FKBP8: variants seen among roughly 807,000 people sequenced by gnomAD.
FKBP8 encodes the protein FKBP prolyl isomerase 8, also known as peptidyl-prolyl cis-trans isomerase FKBP8.
FKBP8 carries 5 observed loss-of-function variants against 41.7 expected under a neutral mutation model. That is an observed-to-expected ratio of 0.12 (90% CI 0.06 to 0.25). The LOEUF is 0.25. Among genes scored for constraint, FKBP8 ranks in the 10% least tolerant of loss-of-function variants. The pLI is 1.00. For synonymous variants in FKBP8, 279 were observed against 254.5 expected (o/e 1.10, Z -0.92); for missense variants, 397 against 563.0 (o/e 0.71, Z 2.98).
rs1568410657 is a variant in FKBP8, at chr19:18,538,070, C to T, written c.772+146G>A. 4 of 895,698 alleles carry T rather than the reference C, an allele frequency of 4.5e-6. No homozygotes were observed. Among genetic ancestry groups the T allele is most frequent in the Non-Finnish European group, 6.9e-6 (4 of 580,428 alleles). The allele number at this position is 895,698 out of a possible 1,614,324, so 55.5% of individuals were successfully genotyped here. On this transcript the variant is annotated intron_variant, in intron 5 of 8. Coordinates refer to ENST00000608443, the MANE Select transcript of FKBP8 (RefSeq NM_012181.5). The surrounding 1 kb of genome is among the most constrained non-coding windows in gnomAD (Gnocchi z 4.0). The stretch of plus-strand genomic sequence containing the variant: ...GATATACCACGAGTCTGTAACAGGC[C>T]CTAGCTTAGGGGCAGTTGGGGATCT...
chr19:18,533,468 G>C (rs945030589), intron 6 of FKBP8, 121 bp from the exon 7 acceptor site: 13 of 559,886 alleles, frequency 2.3e-5, no homozygotes, highest in Non-Finnish European at 3.6e-5. Context: ...TTGAGCAACA[G>C]AGCAAGACTC....
Position 18,532,703 on chromosome 19 carries a change from G to A in FKBP8, c.1116C>T (p.Pro372=). 1 of 1,614,080 alleles carries A rather than the reference G, an allele frequency of 6.2e-7. No individual in the cohort carries two copies. The highest frequency in any genetic ancestry group is 1.1e-5 in the South Asian group (1 of 91,082). ...CAGGGCACTTAGCAGGCAGCCGGCT[G>A]GGGTTGCCCAGCATTTTCCGGTACA... is the stretch of plus-strand genomic sequence containing the variant. ...TALYRKMLGN[P]SRLPAKCPGK... is the part of the protein sequence containing the mutation. The change falls in exon 8 of 9, where the codon CCC becomes CCT. Residue 372 remains proline (P), a synonymous_variant. Coordinates refer to ENST00000608443, the MANE Select transcript of FKBP8 (RefSeq NM_012181.5).
In FKBP8 at chr19:18,538,164, G is replaced by A. The variant is rs187883129; in HGVS notation, c.772+52C>T. The stretch of plus-strand genomic sequence containing the variant: ...CTCTGGGGCTGGAAGTTTCTGGCAC[G>A]GAGTGGACACCTTTGCAGGGGAGAT... On this transcript the variant is annotated intron_variant, in intron 5 of 8. Transcript: ENST00000608443. The surrounding 1 kb of genome is among the most constrained non-coding windows in gnomAD (Gnocchi z 4.0). 6.6e-5 allele frequency: 101 copies of A among 1,530,622 alleles called. No homozygotes were observed. Among genetic ancestry groups the A allele is most frequent in the Admixed American group, 3.9e-4 (21 of 53,734 alleles). The allele number at this position is 1,530,622 out of a possible 1,614,324, so 94.8% of individuals were successfully genotyped here.
chr19:18,532,925 C>T (rs1976482595), intron 7 of FKBP8, 130 bp from the exon 8 acceptor site: 1 of 1,432,386 alleles, frequency 7.0e-7, no homozygotes, highest in Non-Finnish European at 9.3e-7. Context: ...CTGCCCCTTT[C>T]TGGGCTTAGC....
rs749237572 is a variant in FKBP8, at chr19:18,537,707, G to A, written c.839C>T (p.Ala280Val). 1.2e-6 allele frequency: 2 copies of A among 1,613,886 alleles called. No homozygotes were observed. The highest frequency in any genetic ancestry group is 1.7e-6 in the Non-Finnish European group (2 of 1,179,926). ...GTGGTCGAGCTTCAGCTGCGAGGCC[G>A]CCAGGTTGTTCAGACACTTCACCTT... ...QLKVKCLNNL[A>V]ASQLKLDHYR... Residue 280 changes from alanine (A) to valine (V), a missense_variant, in exon 6 of 9, where the codon GCG (alanine) becomes GTG (valine). Ala to Val is a moderately conservative substitution (Grantham distance 64, BLOSUM62 0). Around this residue, in one of 2 missense-constraint regions of FKBP8, gnomAD observed 225 missense variants for 366.8 expected, o/e 0.61. Coordinates refer to ENST00000608443, the MANE Select transcript of FKBP8 (RefSeq NM_012181.5). This position sits in a 1 kb window ranked among gnomAD's most constrained non-coding sequence, Gnocchi z 4.4.
chr19:18,533,338 G>T lies in FKBP8; in HGVS notation c.955C>A (p.Gln319Lys). 1 of 1,604,284 alleles carries T rather than the reference G, an allele frequency of 6.2e-7. No individual in the cohort carries two copies. Among genetic ancestry groups the T allele is most frequent in the South Asian group, 1.1e-5 (1 of 88,834 alleles). Residue 319 changes from glutamine (Q) to lysine (K), a missense_variant, in exon 7 of 9, where the codon CAG becomes AAG. Transcript: ENST00000608443. The stretch of plus-strand genomic sequence containing the variant: ...ATGGCCTCACTGTACTCCCCCTGCT[G>T]GGCCAGCACCTGTAAGGGGAAGGGG... ...ALFRKGKVLA[Q>K]QGEYSEAIPI... is the part of the protein sequence containing the mutation.
chr19:18,534,420 G>A (rs998738700), intron 6 of FKBP8, among the ~76,000 whole-genome samples: 1 of 152,174 alleles, frequency 6.6e-6, no homozygotes, highest in African/African-American at 2.4e-5. Flanking sequence ...TGCTCTCCTA[G>A]CCCTCAAACT....
Position 18,537,848 on chromosome 19 carries a change from G to A in FKBP8, c.773-75C>T, listed in dbSNP as rs2145189654. The A allele has an allele frequency of 6.8e-7, 1 of 1,478,010 alleles. No homozygotes were observed. The highest frequency in any genetic ancestry group is 9.1e-7 in the Non-Finnish European group (1 of 1,093,212). The allele number at this position is 1,478,010 out of a possible 1,614,324, so 91.6% of individuals were successfully genotyped here. ...ACCCCGGCACCCACCCCTCTGCGGA[G>A]GCTGCCTCTCTGGCCTCAGTTTCCC... On this transcript the variant is annotated intron_variant, in intron 5 of 8. Transcript: ENST00000608443. This position sits in a 1 kb window ranked among gnomAD's most constrained non-coding sequence, Gnocchi z 4.4.
In FKBP8 at chr19:18,541,981, G is replaced by T. The variant is rs763320647; in HGVS notation, c.-11C>A. Reference sequence around the variant, plus strand: ...AGCACACGATGCCATGCTGCTGGGGGGACAGGAATTGGCCCTGGAAGTGGG... The same window carrying T: ...AGCACACGATGCCATGCTGCTGGGGTGACAGGAATTGGCCCTGGAAGTGGG... On this transcript the variant is annotated 5_prime_UTR_variant, in exon 2 of 9. Coordinates refer to ENST00000608443, the MANE Select transcript of FKBP8 (RefSeq NM_012181.5). 2 of 1,610,708 alleles carry T rather than the reference G, an allele frequency of 1.2e-6. No homozygotes were observed. The highest frequency in any genetic ancestry group is 1.1e-5 in the South Asian group (1 of 90,996).
rs1038223245 is a variant in FKBP8 at position 18,537,842 on chromosome 19, T to C, written c.773-69A>G. The C allele has an allele frequency of 5.4e-6, 8 of 1,487,224 alleles. No homozygotes were observed. The highest frequency in any genetic ancestry group is 7.3e-6 in the Non-Finnish European group (8 of 1,099,940). The allele number at this position is 1,487,224 out of a possible 1,614,324, so 92.1% of individuals were successfully genotyped here. A position where few individuals can be genotyped will look rare whatever the true frequency, so the allele number is the denominator to read the frequency against. ...CCAGACACCCCGGCACCCACCCCTC[T>C]GCGGAGGCTGCCTCTCTGGCCTCAG... On this transcript the variant is annotated intron_variant, in intron 5 of 8. Transcript: ENST00000608443. This position sits in a 1 kb window ranked among gnomAD's most constrained non-coding sequence, Gnocchi z 4.4.
chr19:18,533,863 C>T (rs748674810), intron 6 of FKBP8, among the ~76,000 whole-genome samples: 13 of 150,636 alleles, frequency 8.6e-5, no homozygotes, highest in Admixed American at 2.7e-4. Context: ...AAAAAATTAG[C>T]TGGGCGAGGT....
Position 18,539,662 on chromosome 19 carries a change from CG to C in FKBP8, c.350del (p.Pro117ArgfsTer83). 1 of 1,611,746 alleles carries C rather than the reference CG, an allele frequency of 6.2e-7. No individual in the cohort carries two copies. ...LVPGPPGSSR[P>X]VKGQVVTVHL... ...GTACGGTGACCACCTGGCCCTTGACCGGGCGGCTCGAACCTGGCGGCCCTGG... is the reference window on the plus strand; with the variant it reads ...GTACGGTGACCACCTGGCCCTTGACCGGCGGCTCGAACCTGGCGGCCCTGG... On this transcript the variant is annotated frameshift_variant, in exon 3 of 9. Transcript: ENST00000608443. LOFTEE classifies it high-confidence loss of function.
chr19:18,542,654 C>T (rs928481513), intron 1 of FKBP8, among the ~76,000 whole-genome samples: 37 of 152,038 alleles, frequency 2.4e-4, no homozygotes, highest in Non-Finnish European at 7.4e-5. Flanking sequence ...CATCAGGGAC[C>T]CTGGCCCAAA....
At chr19:18,534,686 A>G (rs1361690197) in intron 6 of FKBP8, among the ~76,000 whole-genome samples, 2 of 151,418 alleles carry the variant, frequency 1.3e-5, no homozygotes, top group African/African-American at 4.9e-5. Context: ...GGCTCACACA[A>G]TCCTCCAGCC....
intron 1 of FKBP8, 64 bp from the exon 2 acceptor site, chr19:18,542,059 C>T (rs1303720110): frequency 2.0e-6 from 3 of 1,528,206 alleles, no homozygotes; most frequent in African/African-American, 2.7e-5. Flanking sequence ...CTCCACTGTA[C>T]TGATTCCCCA....
intron 1 of FKBP8, chr19:18,542,975 C>T: frequency 2.9e-6 from 3 of 1,045,506 alleles, no homozygotes; most frequent in Non-Finnish European, 2.5e-6. Flanking sequence ...CACAATTCGG[C>T]CTCCCCTCCC....
Position 18,537,497 on chromosome 19 carries a change from G to A in FKBP8, c.945+104C>T. The A allele has an allele frequency of 8.9e-7, 1 of 1,117,462 alleles. No homozygotes were observed. The highest frequency in any genetic ancestry group is 1.2e-6 in the Non-Finnish European group (1 of 820,970). The allele number at this position is 1,117,462 out of a possible 1,614,324, so 69.2% of individuals were successfully genotyped here. A position where few individuals can be genotyped will look rare whatever the true frequency, so the allele number is the denominator to read the frequency against. ...AGTTTCTCCACCTGCACCCCACAGA[G>A]CTCAGCTGGCTTATATACCTATGCC... On this transcript the variant is annotated intron_variant, in intron 6 of 8. Coordinates refer to ENST00000608443, the MANE Select transcript of FKBP8 (RefSeq NM_012181.5). The surrounding 1 kb of genome is among the most constrained non-coding windows in gnomAD (Gnocchi z 4.4).
intron 4 of FKBP8, among the ~76,000 whole-genome samples, chr19:18,539,061 G>A (rs1976643872): frequency 1.3e-5 from 2 of 152,006 alleles, no homozygotes; most frequent in Non-Finnish European, 2.9e-5. Flanking sequence ...TGATCCACCC[G>A]CCTTGGCCTC....
intron 6 of FKBP8, among the ~76,000 whole-genome samples, chr19:18,536,737 G>C (rs1268561977): frequency 6.6e-6 from 1 of 152,226 alleles, no homozygotes; most frequent in African/African-American, 2.4e-5. Flanking sequence ...CAGTGAGCAA[G>C]ACAGACCAAA....
Sources: gnomAD v4.1 joint callset for allele counts (sites outside exome capture counted in the v4.1 genomes callset) on GRCh38, gnomAD v4.1.1 for gene constraint, gnomAD v4.1.1 regional missense constraint, Gnocchi (gnomAD v3.1) non-coding constraint, MANE v1.5 for transcripts, NCBI Gene and HGNC (gene_info 2026-07-23, HGNC 2026-07-21) for gene names.